Variants in BANP observed in about 807,000 individuals in gnomAD.
BANP encodes protein BANP.
Under a neutral mutation model 68.1 loss-of-function variants are expected in BANP, and 11 were observed. The ratio of observed to expected loss-of-function variants is 0.16; its 90% CI spans 0.10 to 0.27. The LOEUF (loss-of-function observed/expected upper bound fraction) is 0.27, where lower values mean the gene tolerates loss of function less well. Ranked by LOEUF, BANP falls within the 10% of genes least tolerant of loss-of-function variation. The pLI is 1.00. For missense variants in BANP, 504 were observed against 722.7 expected (o/e 0.70, Z 3.47); for synonymous variants, 329 against 303.2 (o/e 1.09, Z -0.88).
At chr16:88,059,137 AGGTCCGTGCTCCTGCTGGTGTGCTGT>A (rs1427182753) in intron 11 of BANP, among the ~76,000 whole-genome samples, 22 of 118,944 alleles carry the variant, frequency 1.8e-4, no homozygotes, top group Admixed American at 2.4e-4. Context: ...TGGTGTGCTG[AGGTCCGTGCTCCTGCTGGTGTGCTGT>A]GGTCCATGCT....
intron 1 of BANP, among the ~76,000 whole-genome samples, 152 bp downstream of exon 1, chr16:87,951,667 C>T (rs2056889019): frequency 6.8e-6 from 1 of 148,108 alleles, no homozygotes; most frequent in Admixed American, 6.7e-5. Flanking sequence ...GCCGGGCGAT[C>T]GCCCCCCGGG....
intron 6 of BANP, among the ~76,000 whole-genome samples, chr16:88,009,315 T>A (rs116405577): frequency 0.013 from 1,983 of 152,336 alleles, 44 homozygotes; most frequent in African/African-American, 0.046. Context: ...TTTAGTTGTT[T>A]TAGGCCCTGA....
intron 4 of BANP, among the ~76,000 whole-genome samples, chr16:87,988,556 C>T (rs1489133406): frequency 6.6e-6 from 1 of 152,066 alleles, no homozygotes; most frequent in African/African-American, 2.4e-5. Flanking sequence ...TGAGCCACCG[C>T]CCCCGGCCGG....
At chr16:88,051,355 T>A (rs889685341) in intron 11 of BANP, among the ~76,000 whole-genome samples, 5 of 152,240 alleles carry the variant, frequency 3.3e-5, no homozygotes, top group African/African-American at 1.2e-4. Context: ...TCAGGGCCTG[T>A]TGCTGCCCTG....
chr16:88,006,070 G>A lies in BANP; in HGVS notation c.480-20G>A, dbSNP rs1411309876. The stretch of plus-strand genomic sequence containing the variant: ...GCGGCTCTTACCACATCGGGCTGGT[G>A]TGTTTTTTTTCCCGTTTAGCGCTGT... On this transcript the variant is annotated intron_variant, in intron 5 of 13. Coordinates refer to ENST00000682872, the MANE Select transcript of BANP (RefSeq NM_001386991.1). 5 of 1,613,492 alleles carry A rather than the reference G, an allele frequency of 3.1e-6. No individual in the cohort carries two copies. Among genetic ancestry groups the A allele is most frequent in the Non-Finnish European group, 4.2e-6 (5 of 1,179,836 alleles).
At chr16:87,995,969 C>T (rs1214669494) in intron 4 of BANP, among the ~76,000 whole-genome samples, 1 of 152,204 alleles carries the variant, frequency 6.6e-6, no homozygotes, top group Non-Finnish European at 1.5e-5. Context: ...GCACATTTAG[C>T]GGGTTTGGCC....
At chr16:87,981,264 AG>A in intron 3 of BANP, 137 bp downstream of exon 3, 3 of 690,566 alleles carry the variant, frequency 4.3e-6, no homozygotes, top group Non-Finnish European at 7.7e-6. Context: ...ATCAAGATGC[AG>A]GCAGGGTCTC....
chr16:88,027,626 A>G lies in BANP; in HGVS notation c.1039A>G (p.Asn347Asp). 6.2e-7 allele frequency: 1 copy of G among 1,613,558 alleles called. No homozygotes were observed. The highest frequency in any genetic ancestry group is 8.5e-7 in the Non-Finnish European group (1 of 1,179,876). The change falls in exon 8 of 14, where the codon AAC becomes GAC. Residue 347 changes from asparagine to aspartate, a missense_variant. Coordinates refer to ENST00000682872, the MANE Select transcript of BANP (RefSeq NM_001386991.1). ...CAAGAGCTTCTCGCGGAGAACGCCC[A>G]ACTCGTCCTCCTACTGCCCTTCAGG... ...AVKSFSRRTP[N>D]SSSYCPSEPM...
intron 4 of BANP, among the ~76,000 whole-genome samples, chr16:87,992,692 G>T (rs1216453997): frequency 6.6e-6 from 1 of 151,646 alleles, no homozygotes; most frequent in African/African-American, 2.4e-5. Context: ...TACTCAGGAG[G>T]TTGGGGCAGG....
intron 8 of BANP, among the ~76,000 whole-genome samples, chr16:88,028,520 G>A (rs1278271954): frequency 6.6e-6 from 1 of 152,094 alleles, no homozygotes; most frequent in Non-Finnish European, 1.5e-5. Context: ...GCTTGAGGAT[G>A]GGAGGTGGCT....
At chr16:87,965,596 G>A (rs1053161463) in intron 1 of BANP, among the ~76,000 whole-genome samples, 12 of 108,354 alleles carry the variant, frequency 1.1e-4, no homozygotes, top group Non-Finnish European at 3.6e-5. Context: ...GTAGGGGAGC[G>A]TTCGCATGGC....
At chr16:87,994,896 C>A (rs981980433) in intron 4 of BANP, among the ~76,000 whole-genome samples, 1 of 152,186 alleles carries the variant, frequency 6.6e-6, no homozygotes, top group South Asian at 2.1e-4. Flanking sequence ...AGTAGAGGGT[C>A]CCCTGGACTT....
At chr16:87,979,042 C>G (rs769117846) in intron 2 of BANP, among the ~76,000 whole-genome samples, 4 of 152,148 alleles carry the variant, frequency 2.6e-5, no homozygotes, top group Non-Finnish European at 5.9e-5. Flanking sequence ...CCAGGTAGAT[C>G]GGATTTGACT....
At chr16:87,998,830 G>A (rs1236063907) in intron 4 of BANP, among the ~76,000 whole-genome samples, 8 of 140,522 alleles carry the variant, frequency 5.7e-5, no homozygotes, top group South Asian at 2.3e-4. Context: ...CTCCGTGCCC[G>A]CACGTGCGCG....
At chr16:88,035,518 T>G in intron 10 of BANP, 124 bp downstream of exon 10, 1 of 870,150 alleles carries the variant, frequency 1.1e-6, no homozygotes, top group Non-Finnish European at 1.8e-6. Context: ...GGGCAAGGGC[T>G]GCAGGACTCC....
rs180919460 is a variant in BANP, at chr16:88,056,285, C to T, written c.1312-8982C>T. ...TGGCAAGCAGCAAGGAAGGTAGTTT[C>T]AGGCTTGAGTGATGACTAGTCAGTA... is the stretch of plus-strand genomic sequence containing the variant. On this transcript the variant is annotated intron_variant, in intron 11 of 13. Transcript: ENST00000682872. Among the ~76,000 whole-genome samples the T allele has an allele frequency of 3.2e-3, 480 of 152,310 alleles. 1 individual carries two copies. The highest frequency in any genetic ancestry group is 0.011 in the African/African-American group (461 of 41,552).
intron 2 of BANP, among the ~76,000 whole-genome samples, chr16:87,979,067 C>T (rs1320075404): frequency 6.6e-6 from 1 of 152,138 alleles, no homozygotes; most frequent in Non-Finnish European, 1.5e-5. Flanking sequence ...TTGCCTAGGA[C>T]CTGTGAGAGG....
At position 88,057,499 on chromosome 16, in the gene BANP, C is replaced by G. The variant is rs1031974731; in HGVS notation, c.1312-7768C>G. ...CTCCACGTGTTCACCTCGTCAGAGTCAAGAAACGAGGAGTGAAAAACACCC... is the reference window on the plus strand; with the variant it reads ...CTCCACGTGTTCACCTCGTCAGAGTGAAGAAACGAGGAGTGAAAAACACCC... On this transcript the variant is annotated intron_variant, in intron 11 of 13. Coordinates refer to ENST00000682872, the MANE Select transcript of BANP (RefSeq NM_001386991.1). The surrounding 1 kb of genome is among the most constrained non-coding windows in gnomAD (Gnocchi z 4.6). 2.0e-5 allele frequency among the ~76,000 whole-genome samples: 3 copies of G among 152,028 alleles called. No individual in the cohort carries two copies. The highest frequency in any genetic ancestry group is 7.3e-5 in the African/African-American group (3 of 41,366).
chr16:87,972,802 C>CAA (rs1368007884), intron 1 of BANP, among the ~76,000 whole-genome samples: 15 of 152,140 alleles, frequency 9.9e-5, no homozygotes, highest in Non-Finnish European at 1.6e-4. Flanking sequence ...TGTTCAGTTC[C>CAA]AAGCCGTTTC....
Sources: allele counts gnomAD v4.1 joint callset (sites outside exome capture counted in the v4.1 genomes callset), GRCh38; gene constraint gnomAD v4.1.1; non-coding constraint Gnocchi (gnomAD v3.1); transcripts MANE v1.5; gene names NCBI Gene and HGNC (gene_info 2026-07-23, HGNC 2026-07-21).